MGMT: variants seen among roughly 807,000 people sequenced by gnomAD.
MGMT encodes methylated-DNA--protein-cysteine methyltransferase.
In MGMT, 14 loss-of-function variants were observed where a neutral mutation model predicts 15.9. The ratio of observed to expected loss-of-function variants is 0.88; its 90% CI spans 0.58 to 1.37. MGMT has a LOEUF of 1.37. Ranked by LOEUF, MGMT falls within the 40% of genes most tolerant of loss-of-function variation. The pLI, the probability that MGMT is intolerant of heterozygous loss-of-function variation, is 0.00. For synonymous variants in MGMT, 130 were observed against 118.2 expected (o/e 1.10, Z -0.65); for missense variants, 282 against 268.1 (o/e 1.05, Z -0.36).
chr10:129,658,809 C>G (rs72838592), intron 2 of MGMT, among the ~76,000 whole-genome samples: 5,978 of 152,316 alleles, frequency 0.039, 255 homozygotes, highest in African/African-American at 0.11. Context: ...ATGGCCCCTT[C>G]CTCAGTGTCC....
intron 1 of MGMT, among the ~76,000 whole-genome samples, chr10:129,469,457 C>T (rs1762436): frequency 0.98 from 149,849 of 152,274 alleles, 73,780 homozygotes; most frequent in East Asian, 1. Context: ...ATTCTTGTTT[C>T]TGCACTTCAT....
intron 2 of MGMT, among the ~76,000 whole-genome samples, chr10:129,674,154 A>G (rs1847758108): frequency 1.3e-5 from 2 of 152,194 alleles, no homozygotes; most frequent in South Asian, 4.1e-4. Flanking sequence ...ATGTTAATGC[A>G]TATTGCTTTG....
At chr10:129,650,081 AAAGG>A (rs2133096757) in intron 2 of MGMT, among the ~76,000 whole-genome samples, 1 of 152,324 alleles carries the variant, frequency 6.6e-6, no homozygotes, top group Admixed American at 6.5e-5. Context: ...GCAAGAAACA[AAAGG>A]AAGGGCACTC....
chr10:129,470,499 A>G (rs948739436), intron 1 of MGMT, among the ~76,000 whole-genome samples: 1 of 152,238 alleles, frequency 6.6e-6, no homozygotes, highest in Non-Finnish European at 1.5e-5. Flanking sequence ...AGAGCTATTG[A>G]AGTGATTTAT....
chr10:129,751,554 G>A (rs904851812), intron 3 of MGMT, among the ~76,000 whole-genome samples: 1 of 142,244 alleles, frequency 7.0e-6, no homozygotes, highest in Non-Finnish European at 1.5e-5. Flanking sequence ...CTTTCTGGTT[G>A]TTTTGAGTTT....
chr10:129,762,140 T>C (rs1848880906), intron 4 of MGMT, among the ~76,000 whole-genome samples: 1 of 152,204 alleles, frequency 6.6e-6, no homozygotes, highest in Non-Finnish European at 1.5e-5. Context: ...GACAGCAGTG[T>C]CCCAGCCGGA....
At chr10:129,522,239 A>G (rs1048151785) in intron 1 of MGMT, among the ~76,000 whole-genome samples, 1 of 152,210 alleles carries the variant, frequency 6.6e-6, no homozygotes, top group Admixed American at 6.5e-5. Context: ...GAATGCACCA[A>G]GGAATGCCTG....
At chr10:129,559,677 A>G (rs79697549) in intron 2 of MGMT, among the ~76,000 whole-genome samples, 4,951 of 152,296 alleles carry the variant, frequency 0.033, 132 homozygotes, top group South Asian at 0.065. Context: ...GTTGTGCCAT[A>G]TATCATCTTA....
At chr10:129,610,062 C>G (rs951520378) in intron 2 of MGMT, among the ~76,000 whole-genome samples, 3 of 152,082 alleles carry the variant, frequency 2.0e-5, no homozygotes, top group Non-Finnish European at 4.4e-5. Context: ...ATATGGTAAA[C>G]TATTGTTTGG....
intron 2 of MGMT, among the ~76,000 whole-genome samples, chr10:129,610,588 CAG>C (rs748124285): frequency 1.9e-4 from 29 of 152,356 alleles, no homozygotes; most frequent in African/African-American, 4.1e-4. Flanking sequence ...CCAACTAAAA[CAG>C]GGGTTGGCCA....
intron 2 of MGMT, among the ~76,000 whole-genome samples, chr10:129,658,758 T>C (rs992728458): frequency 6.6e-6 from 1 of 152,220 alleles, no homozygotes; most frequent in Non-Finnish European, 1.5e-5. Context: ...CCTGATTGGC[T>C]AGCTGGATTC....
At chr10:129,486,210 C>G (rs1183504635) in intron 1 of MGMT, among the ~76,000 whole-genome samples, 2 of 136,700 alleles carry the variant, frequency 1.5e-5, no homozygotes, top group Non-Finnish European at 3.1e-5. Flanking sequence ...GGGGGGTAGA[C>G]AGAGTCTTGC....
intron 2 of MGMT, among the ~76,000 whole-genome samples, chr10:129,590,566 T>C (rs1185313769): frequency 6.6e-6 from 1 of 152,232 alleles, no homozygotes; most frequent in East Asian, 1.9e-4. Context: ...GGCAAGAAAG[T>C]ATGAATCTTA....
At chr10:129,693,508 G>T (rs549171877) in intron 2 of MGMT, among the ~76,000 whole-genome samples, 26 of 152,192 alleles carry the variant, frequency 1.7e-4, no homozygotes, top group Admixed American at 1.3e-4. Flanking sequence ...CTGCGGCAGG[G>T]TTTGCATGTC....
chr10:129,541,082 T>C (rs1367702968), intron 2 of MGMT, among the ~76,000 whole-genome samples: 2 of 152,252 alleles, frequency 1.3e-5, no homozygotes, highest in Non-Finnish European at 2.9e-5. Context: ...GGTTGACCAC[T>C]GGGCCTTCTT....
At chr10:129,739,039 A>G (rs967460662) in intron 3 of MGMT, among the ~76,000 whole-genome samples, 2 of 152,226 alleles carry the variant, frequency 1.3e-5, no homozygotes, top group African/African-American at 4.8e-5. Flanking sequence ...CGTAAACAGA[A>G]CCAAAGACAA....
chr10:129,738,826 C>G (rs1383466859), intron 3 of MGMT, among the ~76,000 whole-genome samples: 1 of 152,134 alleles, frequency 6.6e-6, no homozygotes, highest in Admixed American at 6.5e-5. Context: ...CATCCTAATA[C>G]CAAAGGCTGG....
chr10:129,696,686 A>G (rs1469394210), intron 2 of MGMT, among the ~76,000 whole-genome samples: 1 of 152,332 alleles, frequency 6.6e-6, no homozygotes, highest in East Asian at 1.9e-4. Context: ...CTCAGTGGGC[A>G]GGGATTGAGC....
At chr10:129,478,156 C>T (rs193278710) in intron 1 of MGMT, among the ~76,000 whole-genome samples, 87 of 152,190 alleles carry the variant, frequency 5.7e-4, no homozygotes, top group Admixed American at 4.5e-3. Flanking sequence ...AAGGAGAGAC[C>T]AGCTCAAATG....
Sources: gnomAD v4.1 joint callset for allele counts (sites outside exome capture counted in the v4.1 genomes callset) on GRCh38, gnomAD v4.1.1 for gene constraint, MANE v1.5 for transcripts, NCBI Gene and HGNC (gene_info 2026-07-23, HGNC 2026-07-21) for gene names.